Variants in AKT3 observed in about 807,000 individuals in gnomAD.
AKT3 encodes AKT serine/threonine kinase 3.
Under a neutral mutation model 65.3 loss-of-function variants are expected in AKT3, and 15 were observed. The observed-to-expected ratio is 0.23, with a 90% confidence interval of 0.15 to 0.35. The LOEUF (loss-of-function observed/expected upper bound fraction) is 0.35. Among genes scored for constraint, AKT3 ranks in the 10% least tolerant of loss-of-function variants. AKT3 has a pLI of 1.00. For missense variants in AKT3, 243 were observed against 576.5 expected, an observed-to-expected ratio of 0.42 and a Z score of 5.92; for synonymous variants, 206 against 183.8, an observed-to-expected ratio of 1.12 and a Z score of -0.98.
chr1:243,492,295 CTT>C (rs33950392), intron 13 of AKT3, among the ~76,000 whole-genome samples: 2 of 63,128 alleles, frequency 3.2e-5, no homozygotes, highest in African/African-American at 6.6e-5. Context: ...CGTTTCTTGG[CTT>C]TTTTTTTTTT....
intron 8 of AKT3, among the ~76,000 whole-genome samples, chr1:243,608,913 C>T (rs1176771747): frequency 5.3e-5 from 8 of 151,506 alleles, no homozygotes; most frequent in African/African-American, 1.2e-4. Flanking sequence ...CCACCATGCC[C>T]GGCTAATTTT....
intron 2 of AKT3, among the ~76,000 whole-genome samples, chr1:243,820,650 T>C (rs1693802213): frequency 6.6e-6 from 1 of 152,032 alleles, no homozygotes; most frequent in Non-Finnish European, 1.5e-5. Context: ...AACTTCACAA[T>C]GGAACCACAA....
At chr1:243,650,426 C>A (rs1681219269) in intron 4 of AKT3, among the ~76,000 whole-genome samples, 1 of 152,200 alleles carries the variant, frequency 6.6e-6, no homozygotes, top group African/African-American at 2.4e-5. Context: ...TCCCATTTGT[C>A]AATTTTCGCT....
chr1:243,671,714 G>A (rs1319735135), intron 3 of AKT3, among the ~76,000 whole-genome samples: 1 of 152,136 alleles, frequency 6.6e-6, no homozygotes, highest in Non-Finnish European at 1.5e-5. Flanking sequence ...ACAAAGAGTG[G>A]TGCATAAATG....
chr1:243,490,961 C>A (rs1372438502), intron 13 of AKT3, among the ~76,000 whole-genome samples: 2 of 152,228 alleles, frequency 1.3e-5, no homozygotes, highest in Non-Finnish European at 2.9e-5. Context: ...TGGCAGGTGA[C>A]TAGGCTCTTG....
intron 2 of AKT3, among the ~76,000 whole-genome samples, chr1:243,759,605 A>G (rs1689364041): frequency 6.6e-6 from 1 of 152,116 alleles, no homozygotes; most frequent in African/African-American, 2.4e-5. Context: ...TCTTTTTAAA[A>G]TGAACTTATT....
intron 2 of AKT3, among the ~76,000 whole-genome samples, chr1:243,825,465 C>T (rs991021897): frequency 1.3e-5 from 2 of 152,090 alleles, no homozygotes; most frequent in African/African-American, 4.8e-5. Context: ...GAGTCAGTGA[C>T]AGAGGAATAA....
At chr1:243,550,858 C>G (rs903181629) in intron 11 of AKT3, among the ~76,000 whole-genome samples, 4 of 128,112 alleles carry the variant, frequency 3.1e-5, no homozygotes, top group African/African-American at 1.2e-4. Flanking sequence ...ACTCAGGAGG[C>G]TGAGGCAGGG....
intron 12 of AKT3, among the ~76,000 whole-genome samples, chr1:243,535,927 A>G (rs1311132933): frequency 6.6e-6 from 1 of 152,172 alleles, no homozygotes; most frequent in African/African-American, 2.4e-5. Flanking sequence ...TGATTGGGGT[A>G]AAATGGTATC....
intron 12 of AKT3, among the ~76,000 whole-genome samples, chr1:243,516,645 CT>C (rs1670375167): frequency 1.3e-5 from 2 of 152,092 alleles, no homozygotes; most frequent in African/African-American, 4.8e-5. Context: ...CTCAAAACTC[CT>C]GGCCTCGAGC....
intron 6 of AKT3, among the ~76,000 whole-genome samples, chr1:243,629,741 G>A (rs1003767013): frequency 8.5e-5 from 13 of 152,146 alleles, no homozygotes; most frequent in African/African-American, 2.2e-4. Flanking sequence ...GCAGTGAGCC[G>A]AGATCGCGCC....
intron 8 of AKT3, among the ~76,000 whole-genome samples, chr1:243,579,119 G>A (rs558443577): frequency 7.2e-5 from 11 of 152,302 alleles, no homozygotes; most frequent in Admixed American, 3.9e-4. Flanking sequence ...CAACGATGTT[G>A]AGGTTTCTCT....
chr1:243,850,319 C>A (rs1199567199), upstream of AKT3, among the ~76,000 whole-genome samples: 1 of 85,954 alleles, frequency 1.2e-5, no homozygotes, highest in African/African-American at 4.4e-5. Context: ...GCGGCGGCGG[C>A]GGGAGGGGGA....
intron 3 of AKT3, among the ~76,000 whole-genome samples, chr1:243,678,962 C>A (rs1163405274): frequency 6.6e-6 from 1 of 152,090 alleles, no homozygotes; most frequent in Non-Finnish European, 1.5e-5. Flanking sequence ...CCACCCGCTC[C>A]ACATCTCTTC....
intron 2 of AKT3, among the ~76,000 whole-genome samples, chr1:243,816,163 T>C (rs1458248016): frequency 6.6e-6 from 1 of 152,152 alleles, no homozygotes; most frequent in African/African-American, 2.4e-5. Flanking sequence ...TATAATTCCA[T>C]TTCTGGTGGG....
chr1:243,493,119 G>C (rs1666968200), intron 13 of AKT3, among the ~76,000 whole-genome samples: 1 of 151,880 alleles, frequency 6.6e-6, no homozygotes, highest in Admixed American at 6.6e-5. Flanking sequence ...AGGGCCTCCA[G>C]ACACACACCC....
chr1:243,795,969 C>T (rs1691978623), intron 2 of AKT3, among the ~76,000 whole-genome samples: 1 of 152,148 alleles, frequency 6.6e-6, no homozygotes, highest in Non-Finnish European at 1.5e-5. Context: ...ATTTTCCGAC[C>T]AGCTCCCCTG....
At chr1:243,562,630 T>C (rs909278857) in intron 10 of AKT3, among the ~76,000 whole-genome samples, 3 of 152,126 alleles carry the variant, frequency 2.0e-5, no homozygotes, top group African/African-American at 4.8e-5. Context: ...TCTGACTGCA[T>C]TGAAACTGTC....
intron 2 of AKT3, among the ~76,000 whole-genome samples, chr1:243,835,491 AC>A (rs2148459733): frequency 6.6e-6 from 1 of 152,332 alleles, no homozygotes; most frequent in African/African-American, 2.4e-5. Flanking sequence ...TTAGAACAAT[AC>A]CTAAAAAAGC....
Sources: gnomAD v4.1 joint callset for allele counts (sites outside exome capture counted in the v4.1 genomes callset) on GRCh38, gnomAD v4.1.1 for gene constraint, MANE v1.5 for transcripts, NCBI Gene and HGNC (gene_info 2026-07-23, HGNC 2026-07-21) for gene names.